GNAO1: variants seen among roughly 807,000 people sequenced by gnomAD.
GNAO1 encodes the protein guanine nucleotide-binding protein G(o) subunit alpha.
For missense variants in GNAO1, 166 were observed against 478.7 expected (o/e 0.35, Z 6.10); for synonymous variants, 164 against 180.7 (o/e 0.91, Z 0.74).
chr16:56,255,542 G>A (rs1165130131), intron 2 of GNAO1: 1 of 152,114 alleles, frequency 6.6e-6, no homozygotes, highest in Admixed American at 6.5e-5. Context: ...TTTCTGTCTG[G>A]AAGCTTTTAA....
chr16:56,346,983 C>T (rs1288977351), intron 6 of GNAO1: 18 of 985,338 alleles, frequency 1.8e-5, no homozygotes, highest in Non-Finnish European at 2.0e-5. Flanking sequence ...CTACAGTTAG[C>T]ACCCAGGGGT....
At position 56,351,660 on chromosome 16, in the gene GNAO1, A is replaced by T. The variant is rs111373164; in HGVS notation, c.877+123A>T. On this transcript the variant is annotated intron_variant, in intron 7 of 8. Coordinates refer to ENST00000262493, the MANE Select transcript of GNAO1 (RefSeq NM_020988.3). The surrounding 1 kb of genome is among the most constrained non-coding windows in gnomAD (Gnocchi z 6.1). ...TGGCGAGCGGGACCCATTGCAGGAGACTGGTGGGGCGCAAAAGAAAAACAG... is the reference window on the plus strand; with the variant it reads ...TGGCGAGCGGGACCCATTGCAGGAGTCTGGTGGGGCGCAAAAGAAAAACAG... 0.012 allele frequency: 8,736 copies of T among 725,408 alleles called. 314 individuals are homozygous for T. The highest frequency in any genetic ancestry group is 0.073 in the South Asian group (4,130 of 56,756). The allele number at this position is 725,408 out of a possible 1,614,324, so 44.9% of individuals were successfully genotyped here.
intron 2 of GNAO1, among the ~76,000 whole-genome samples, chr16:56,230,321 G>T (rs1221535516): frequency 6.6e-6 from 1 of 152,142 alleles, no homozygotes; most frequent in African/African-American, 2.4e-5. Flanking sequence ...AACACAGCTT[G>T]TCCAGAGGAA....
chr16:56,191,822 G>A lies in GNAO1; in HGVS notation c.-414G>A, dbSNP rs2036175716. 4.4e-6 allele frequency: 1 copy of A among 225,668 alleles called. No individual in the cohort carries two copies. The highest frequency in any genetic ancestry group is 8.6e-6 in the Non-Finnish European group (1 of 115,772). The allele number at this position is 225,668 out of a possible 1,614,324, so 14.0% of individuals were successfully genotyped here. A position where few individuals can be genotyped will look rare whatever the true frequency, so the allele number is the denominator to read the frequency against. On this transcript the variant is annotated 5_prime_UTR_variant, in exon 1 of 9. Coordinates refer to ENST00000262493, the MANE Select transcript of GNAO1 (RefSeq NM_020988.3). This position sits in a 1 kb window ranked among gnomAD's most constrained non-coding sequence, Gnocchi z 4.7. Reference sequence around the variant, plus strand: ...TCCTCCTCCTCCGGCAGCCGCGGCAGCAGGACCCACCCTGCCCCCCACCCC... The same window carrying A: ...TCCTCCTCCTCCGGCAGCCGCGGCAACAGGACCCACCCTGCCCCCCACCCC...
In GNAO1 at chr16:56,346,426, G is replaced by A. The variant is rs138224601; in HGVS notation, c.724-4958G>A. ...AGGCCAAGCAGAAACTGATTTCTAC[G>A]AAGAGCGTCTTTGCCAAACTCATGA... On this transcript the variant is annotated intron_variant, in intron 6 of 8. Transcript: ENST00000262493. The A allele has an allele frequency of 5.7e-3, 5,621 of 985,392 alleles. 17 individuals carry two copies. The highest frequency in any genetic ancestry group is 0.016 in the South Asian group (339 of 21,276). 61.0% of individuals were successfully genotyped at this position (985,392 alleles called of 1,614,324 possible). A position where few individuals can be genotyped will look rare whatever the true frequency, so the allele number is the denominator to read the frequency against.
chr16:56,355,126 A>G, intron 8 of GNAO1, 45 bp downstream of exon 8: 1 of 117,152 alleles, frequency 8.5e-6, no homozygotes, highest in Non-Finnish European at 1.4e-5. Context: ...GCGCGCGCAT[A>G]CACACACACA....
chr16:56,238,847 G>A (rs1409627654), intron 2 of GNAO1, among the ~76,000 whole-genome samples: 4 of 152,162 alleles, frequency 2.6e-5, no homozygotes, highest in Admixed American at 6.5e-5. Context: ...CATAATTTGC[G>A]TTTGGGTATA....
intron 6 of GNAO1, chr16:56,346,206 C>T: frequency 2.0e-6 from 2 of 985,434 alleles, no homozygotes; most frequent in Non-Finnish European, 2.4e-6. Context: ...CTGTGCATGA[C>T]ACCTGTCATC....
intron 2 of GNAO1, among the ~76,000 whole-genome samples, chr16:56,273,203 A>G (rs2037033642): frequency 1.3e-5 from 2 of 152,140 alleles, no homozygotes; most frequent in Non-Finnish European, 2.9e-5. Flanking sequence ...TATGTATGTT[A>G]TAAACATAAT....
At chr16:56,271,373 T>C (rs2037016466) in intron 2 of GNAO1, among the ~76,000 whole-genome samples, 1 of 152,242 alleles carries the variant, frequency 6.6e-6, no homozygotes, top group South Asian at 2.1e-4. Flanking sequence ...CCCTCAAACA[T>C]GAGCTGCAAT....
chr16:56,327,949 G>A lies in GNAO1; in HGVS notation c.304-682G>A, dbSNP rs142333307. On this transcript the variant is annotated intron_variant, in intron 3 of 8. Transcript: ENST00000262493. The stretch of plus-strand genomic sequence containing the variant: ...ACAAATCAAGAAAAATTAATAAAAT[G>A]GACTTTTGGCTTTGAGCAGTCCAAG... 5.2e-3 allele frequency among the ~76,000 whole-genome samples: 790 copies of A among 152,236 alleles called. 7 individuals are homozygous for A. The highest frequency in any genetic ancestry group is 0.018 in the African/African-American group (751 of 41,532).
At chr16:56,323,658 C>CAAAAAAAAAA (rs34470121) in intron 3 of GNAO1, among the ~76,000 whole-genome samples, 1 of 137,994 alleles carries the variant, frequency 7.2e-6, no homozygotes, top group Non-Finnish European at 1.6e-5. Flanking sequence ...TAGCTGTAAG[C>CAAAAAAAAAA]AAAAAAAAAA....
At chr16:56,295,502 C>T (rs1239985629) in intron 3 of GNAO1, among the ~76,000 whole-genome samples, 1 of 152,192 alleles carries the variant, frequency 6.6e-6, no homozygotes, top group African/African-American at 2.4e-5. Context: ...CACGCTAGCA[C>T]CCCAGGGCCA....
chr16:56,285,404 C>A (rs1331770386), intron 3 of GNAO1, among the ~76,000 whole-genome samples: 3 of 152,112 alleles, frequency 2.0e-5, no homozygotes, highest in African/African-American at 7.2e-5. Flanking sequence ...CCTCTTCTAC[C>A]CCCACCAAAC....
chr16:56,347,102 G>C (rs2037876971), intron 6 of GNAO1: 30 of 985,324 alleles, frequency 3.0e-5, no homozygotes, highest in Non-Finnish European at 3.6e-5. Flanking sequence ...TGCAGTCCCA[G>C]GTGGATATTT....
rs59437828 is a variant in GNAO1 at position 56,355,125 on chromosome 16, T to TACACACACACACACACACACAC, written c.*28+53_*28+74dup. Reference sequence around the variant, plus strand: ...ACAGAACAGCTTGCGTGCGCGCGCATACACACACACACACACACACACACA... The same window carrying TACACACACACACACACACACAC: ...ACAGAACAGCTTGCGTGCGCGCGCATACACACACACACACACACACACACACACACACACACACACACACACA... On this transcript the variant is annotated intron_variant, in intron 8 of 8. Transcript: ENST00000262493. The TACACACACACACACACACACAC allele has an allele frequency of 1.1e-5, 6 of 556,332 alleles. No individual in the cohort carries two copies. The South Asian group carries it at 1.6e-4, about 15-fold the overall frequency. 34.5% of individuals were successfully genotyped at this position (556,332 alleles called of 1,614,324 possible).
At chr16:56,279,351 G>A (rs2037093434) in intron 3 of GNAO1, among the ~76,000 whole-genome samples, 1 of 152,148 alleles carries the variant, frequency 6.6e-6, no homozygotes, top group African/African-American at 2.4e-5. Flanking sequence ...CTGTGCGTGA[G>A]CCTGAACCTG....
At chr16:56,237,856 A>G (rs2036653784) in intron 2 of GNAO1, among the ~76,000 whole-genome samples, 1 of 152,208 alleles carries the variant, frequency 6.6e-6, no homozygotes, top group Non-Finnish European at 1.5e-5. Context: ...TGCACGTTGC[A>G]AGGCCAGCTG....
intron 3 of GNAO1, among the ~76,000 whole-genome samples, chr16:56,308,608 G>A (rs1045785180): frequency 5.3e-5 from 8 of 152,188 alleles, no homozygotes; most frequent in African/African-American, 1.9e-4. Context: ...CAGGGAGAAG[G>A]TGGCTCGGGA....
Sources: allele counts gnomAD v4.1 joint callset (sites outside exome capture counted in the v4.1 genomes callset), GRCh38; gene constraint gnomAD v4.1.1; non-coding constraint Gnocchi (gnomAD v3.1); transcripts MANE v1.5; gene names NCBI Gene and HGNC (gene_info 2026-07-23, HGNC 2026-07-21).